RIC1: variants seen among roughly 807,000 people sequenced by gnomAD.
RIC1 encodes the protein guanine nucleotide exchange factor subunit RIC1.
A neutral mutation model predicts 169.0 loss-of-function variants in RIC1; 88 were observed. That is an observed-to-expected ratio of 0.52 (90% CI 0.44 to 0.62). The LOEUF (loss-of-function observed/expected upper bound fraction) is 0.62. Ranked by LOEUF, RIC1 falls within the 20% of genes least tolerant of loss-of-function variation. RIC1 has a pLI of 0.00. For missense variants in RIC1, 1,877 were observed against 1,725.5 expected (o/e 1.09, Z -1.56); for synonymous variants, 790 against 601.5 (o/e 1.31, Z -4.59).
chr9:5,642,740 C>T (rs78867743), intron 1 of RIC1, among the ~76,000 whole-genome samples: 2,137 of 117,556 alleles, frequency 0.018, 527 homozygotes, highest in African/African-American at 0.099. Context: ...GTTTATGAAT[C>T]ATTAACATAA....
intron 1 of RIC1, among the ~76,000 whole-genome samples, chr9:5,652,945 C>G (rs959697081): frequency 1.3e-5 from 2 of 152,004 alleles, no homozygotes; most frequent in African/African-American, 4.8e-5. Flanking sequence ...CTTTTTCTGC[C>G]TCTCCTGAAA....
intron 23 of RIC1, among the ~76,000 whole-genome samples, chr9:5,772,116 T>C (rs1435545637): frequency 1.3e-5 from 2 of 152,250 alleles, no homozygotes; most frequent in Non-Finnish European, 2.9e-5. Context: ...TGTTCTTAAT[T>C]CTCTTTTTAA....
chr9:5,675,290 CGAGTCAGGGTGGAGTAGGTAATCGGAAT>C (rs1343516252), intron 2 of RIC1, among the ~76,000 whole-genome samples: 2 of 151,696 alleles, frequency 1.3e-5, no homozygotes, highest in Non-Finnish European at 2.9e-5. Flanking sequence ...GTAATGGGAA[CGAGTCAGGGTGGAGTAGGTAATCGGAAT>C]GAGTCAGGGT....
At chr9:5,710,712 A>G (rs1563918215) in intron 3 of RIC1, among the ~76,000 whole-genome samples, 1 of 152,204 alleles carries the variant, frequency 6.6e-6, no homozygotes, top group Non-Finnish European at 1.5e-5. Flanking sequence ...AGTTTGAGGA[A>G]ATAATTAACA....
intron 2 of RIC1, among the ~76,000 whole-genome samples, chr9:5,670,746 G>T (rs1820040073): frequency 6.6e-6 from 1 of 152,216 alleles, no homozygotes; most frequent in Non-Finnish European, 1.5e-5. Context: ...AATTGCAATA[G>T]AGAAAGTTTA....
intron 6 of RIC1, among the ~76,000 whole-genome samples, chr9:5,721,660 A>G (rs1167010246): frequency 1.3e-5 from 2 of 152,218 alleles, no homozygotes; most frequent in Non-Finnish European, 2.9e-5. Flanking sequence ...TGGGCTTGAA[A>G]GTGGGTTTTC....
intron 8 of RIC1, among the ~76,000 whole-genome samples, chr9:5,742,494 T>C (rs1825139263): frequency 6.6e-6 from 1 of 152,204 alleles, no homozygotes; most frequent in Non-Finnish European, 1.5e-5. Context: ...TAGCTTTTTT[T>C]AAGGCCTGCA....
intron 6 of RIC1, among the ~76,000 whole-genome samples, chr9:5,725,065 G>C (rs1177314400): frequency 6.6e-6 from 1 of 152,174 alleles, no homozygotes; most frequent in African/African-American, 2.4e-5. Flanking sequence ...GATGATGCAG[G>C]CCTCATAAAA....
At chr9:5,759,531 C>T (rs1247531914) in intron 17 of RIC1, among the ~76,000 whole-genome samples, 10 of 152,158 alleles carry the variant, frequency 6.6e-5, no homozygotes, top group Non-Finnish European at 1.0e-4. Flanking sequence ...CACTACCCTG[C>T]AGAACCAAGT....
At position 5,772,739 on chromosome 9, in the gene RIC1, T is replaced by A; in HGVS notation, c.3792T>A (p.Leu1264=). Residue 1264 remains leucine (L), a splice_region_variant and synonymous_variant, in exon 24 of 26, where the codon CTT becomes CTA. Coordinates refer to ENST00000414202, the MANE Select transcript of RIC1 (RefSeq NM_020829.4). ...GGCCTCATAAATCCCAGGTCCAGCT[T>A]CGGTGAGTTTCTTGGCTATTTGAAA... ...SKGPHKSQVQ[L]RYLLHIFMEA... 6.2e-7 allele frequency: 1 copy of A among 1,605,008 alleles called. No homozygotes were observed. The highest frequency in any genetic ancestry group is 8.5e-7 in the Non-Finnish European group (1 of 1,176,274).
At chr9:5,761,697 G>GT (rs147401844) in intron 17 of RIC1, among the ~76,000 whole-genome samples, 3,152 of 151,266 alleles carry the variant, frequency 0.021, 138 homozygotes, top group African/African-American at 0.073. Flanking sequence ...AGTAAGTTCT[G>GT]TTTTTTAACC....
chr9:5,742,666 AGTTT>A (rs1414985228), intron 8 of RIC1, among the ~76,000 whole-genome samples, 199 bp from the exon 9 acceptor site: 1 of 152,098 alleles, frequency 6.6e-6, no homozygotes, highest in African/African-American at 2.4e-5. Context: ...CTGTGCACTG[AGTTT>A]GTTCTGCTTA....
At chr9:5,629,624 G>T (rs983482056) in intron 1 of RIC1, among the ~76,000 whole-genome samples, 171 bp downstream of exon 1, 2 of 152,162 alleles carry the variant, frequency 1.3e-5, no homozygotes, top group African/African-American at 4.8e-5. Flanking sequence ...CCCGCCGGCT[G>T]CAGGCACGTC....
At chr9:5,691,795 C>A (rs997706547) in intron 3 of RIC1, among the ~76,000 whole-genome samples, 2 of 151,892 alleles carry the variant, frequency 1.3e-5, no homozygotes, top group African/African-American at 4.8e-5. Context: ...AATTTAACTC[C>A]ATTAATTTAT....
At chr9:5,771,117 G>A (rs944170764) in intron 23 of RIC1, among the ~76,000 whole-genome samples, 1 of 152,180 alleles carries the variant, frequency 6.6e-6, no homozygotes, top group Non-Finnish European at 1.5e-5. Flanking sequence ...AGCAGAGTTT[G>A]TAGTGTTAAT....
chr9:5,629,341 T>TG lies in RIC1; in HGVS notation c.33dup (p.Leu12AlafsTer39). On this transcript the variant is annotated frameshift_variant, in exon 1 of 26. Transcript: ENST00000414202. LOFTEE classifies it high-confidence loss of function. Reference sequence around the variant, plus strand: ...TTTCTGAGCGGCTGGCCCAAGAGGCTGCTGTGCCCTCTGGGGAGCCCGGCC... The same window carrying TG: ...TTTCTGAGCGGCTGGCCCAAGAGGCTGGCTGTGCCCTCTGGGGAGCCCGGCC... 1 of 1,531,632 alleles carries TG rather than the reference T, an allele frequency of 6.5e-7. No homozygotes were observed. The allele number at this position is 1,531,632 out of a possible 1,614,324, so 94.9% of individuals were successfully genotyped here. A position where few individuals can be genotyped will look rare whatever the true frequency, so the allele number is the denominator to read the frequency against.
chr9:5,762,409 AATGGCTGT>A, intron 17 of RIC1, 124 bp from the exon 18 acceptor site: 6 of 1,088,534 alleles, frequency 5.5e-6, no homozygotes, highest in Admixed American at 4.8e-5. Context: ...AGCCTAGCAG[AATGGCTGT>A]ACATAGTACA....
chr9:5,736,470 G>C (rs1485326356), intron 7 of RIC1, among the ~76,000 whole-genome samples: 1 of 152,124 alleles, frequency 6.6e-6, no homozygotes, highest in Non-Finnish European at 1.5e-5. Flanking sequence ...TTATTATTTT[G>C]AGTGTTTGTA....
At chr9:5,771,443 G>A (rs1827215103) in intron 23 of RIC1, among the ~76,000 whole-genome samples, 1 of 152,106 alleles carries the variant, frequency 6.6e-6, no homozygotes, top group African/African-American at 2.4e-5. Flanking sequence ...GGACACTTGG[G>A]TTGCTTTTAC....
Sources: gnomAD v4.1 joint callset for allele counts (sites outside exome capture counted in the v4.1 genomes callset) on GRCh38, gnomAD v4.1.1 for gene constraint, MANE v1.5 for transcripts, NCBI Gene and HGNC (gene_info 2026-07-23, HGNC 2026-07-21) for gene names.